Variants in NKAIN3 observed in about 807,000 individuals in gnomAD.
NKAIN3 encodes the protein sodium/potassium-transporting ATPase subunit beta-1-interacting protein 3.
NKAIN3 carries 25 observed loss-of-function variants against 30.2 expected under a neutral mutation model. The ratio of observed to expected loss-of-function variants is 0.83; its 90% CI spans 0.60 to 1.16. The LOEUF (loss-of-function observed/expected upper bound fraction) is 1.16. NKAIN3 is among the 50% of genes most tolerant of loss of function. NKAIN3 has a pLI of 0.00. For synonymous variants in NKAIN3, 91 were observed against 89.6 expected, an observed-to-expected ratio of 1.02 and a Z score of -0.09; for missense variants, 225 against 254.1, an observed-to-expected ratio of 0.89 and a Z score of 0.78.
At chr8:62,463,596 T>C (rs967092236) in intron 1 of NKAIN3, among the ~76,000 whole-genome samples, 12 of 152,196 alleles carry the variant, frequency 7.9e-5, no homozygotes, top group Non-Finnish European at 1.6e-4. Context: ...TAAAGCTGAA[T>C]CTTTGTCCCT....
chr8:62,712,486 T>C (rs916625339), intron 3 of NKAIN3, among the ~76,000 whole-genome samples: 1 of 152,070 alleles, frequency 6.6e-6, no homozygotes, highest in Non-Finnish European at 1.5e-5. Context: ...TGGCTGCCTC[T>C]GCTGAGTCAT....
intron 1 of NKAIN3, among the ~76,000 whole-genome samples, chr8:62,428,073 G>A (rs576523350): frequency 6.6e-6 from 1 of 151,644 alleles, no homozygotes; most frequent in Non-Finnish European, 1.5e-5. Context: ...TAGCTTCTAC[G>A]TGTGCATGAG....
chr8:62,741,884 G>A (rs1029867267), intron 3 of NKAIN3, among the ~76,000 whole-genome samples: 3 of 152,078 alleles, frequency 2.0e-5, no homozygotes, highest in South Asian at 2.1e-4. Context: ...TTAACATGCT[G>A]TCTTGTCTCT....
intron 4 of NKAIN3, among the ~76,000 whole-genome samples, chr8:62,914,903 G>A (rs954801807): frequency 1.3e-5 from 2 of 151,596 alleles, no homozygotes; most frequent in Non-Finnish European, 2.9e-5. Flanking sequence ...TGTCATTTAG[G>A]TTTTAAGCCC....
intron 3 of NKAIN3, among the ~76,000 whole-genome samples, chr8:62,665,657 G>T (rs906169343): frequency 2.6e-5 from 4 of 152,270 alleles, no homozygotes; most frequent in South Asian, 4.1e-4. Context: ...GAAGTTCATA[G>T]ATCATTCTTC....
At chr8:62,344,736 G>C (rs1815873776) in intron 1 of NKAIN3, 8 of 291,030 alleles carry the variant, frequency 2.7e-5, no homozygotes, top group South Asian at 2.7e-4. Context: ...ACTGCTGTCA[G>C]TACTCCAGTT....
chr8:62,564,763 A>G (rs973805909), intron 1 of NKAIN3, among the ~76,000 whole-genome samples: 2 of 152,188 alleles, frequency 1.3e-5, no homozygotes, highest in Non-Finnish European at 2.9e-5. Context: ...GTGGTAGAAG[A>G]TGTAAAATGT....
At chr8:62,586,625 G>A (rs531640933) in intron 2 of NKAIN3, among the ~76,000 whole-genome samples, 24 of 152,058 alleles carry the variant, frequency 1.6e-4, no homozygotes, top group South Asian at 1.2e-3. Context: ...GGTCTTTCTC[G>A]TAATTAGAAA....
At chr8:62,943,751 TATATG>T (rs1167998722) in intron 5 of NKAIN3, among the ~76,000 whole-genome samples, 1 of 148,016 alleles carries the variant, frequency 6.8e-6, no homozygotes, top group Non-Finnish European at 1.5e-5. Flanking sequence ...TATTTATATT[TATATG>T]ATATATTATA....
intron 1 of NKAIN3, among the ~76,000 whole-genome samples, chr8:62,395,033 G>A (rs1415980930): frequency 6.8e-6 from 1 of 146,454 alleles, no homozygotes; most frequent in Non-Finnish European, 1.5e-5. Context: ...AGGAGGCCGG[G>A]CAGAGGCGCT....
chr8:62,317,375 C>A (rs1029009051), intron 1 of NKAIN3, among the ~76,000 whole-genome samples: 1 of 152,106 alleles, frequency 6.6e-6, no homozygotes, highest in Non-Finnish European at 1.5e-5. Flanking sequence ...ATGGGTATTG[C>A]CTAGGTTTTC....
chr8:62,920,465 C>G (rs1399043493), intron 5 of NKAIN3, among the ~76,000 whole-genome samples: 3 of 152,140 alleles, frequency 2.0e-5, no homozygotes, highest in Non-Finnish European at 4.4e-5. Flanking sequence ...CTGGGAAATG[C>G]AAAATGGCAT....
intron 3 of NKAIN3, among the ~76,000 whole-genome samples, chr8:62,727,699 T>G (rs1815303876): frequency 6.6e-6 from 1 of 152,092 alleles, no homozygotes; most frequent in South Asian, 2.1e-4. Flanking sequence ...ATCCAAGAAA[T>G]AAATAATGGA....
intron 5 of NKAIN3, among the ~76,000 whole-genome samples, chr8:62,951,569 C>T (rs1823285520): frequency 6.6e-6 from 1 of 152,006 alleles, no homozygotes; most frequent in South Asian, 2.1e-4. Flanking sequence ...AACTATCCTT[C>T]CACTTCAGCT....
At chr8:62,840,938 T>G (rs1009513221) in intron 4 of NKAIN3, among the ~76,000 whole-genome samples, 1 of 152,112 alleles carries the variant, frequency 6.6e-6, no homozygotes, top group African/African-American at 2.4e-5. Context: ...TGCACACTTT[T>G]GCATTTTCCC....
intron 1 of NKAIN3, among the ~76,000 whole-genome samples, chr8:62,503,266 G>T (rs541661417): frequency 6.6e-6 from 1 of 152,164 alleles, no homozygotes; most frequent in Non-Finnish European, 1.5e-5. Flanking sequence ...CACCTGAGCC[G>T]CAAAACCAGC....
At chr8:62,270,756 CTG>C (rs1812753552) in intron 1 of NKAIN3, among the ~76,000 whole-genome samples, 1 of 152,150 alleles carries the variant, frequency 6.6e-6, no homozygotes, top group African/African-American at 2.4e-5. Flanking sequence ...GCATTTCACT[CTG>C]TGATTCTTTG....
chr8:62,834,867 G>A (rs1317527602), intron 4 of NKAIN3, among the ~76,000 whole-genome samples: 1 of 151,936 alleles, frequency 6.6e-6, no homozygotes, highest in Non-Finnish European at 1.5e-5. Flanking sequence ...GGCTTTAATA[G>A]CCAAGGCAAT....
At chr8:62,790,733 T>C (rs563489116) in intron 4 of NKAIN3, among the ~76,000 whole-genome samples, 2 of 152,224 alleles carry the variant, frequency 1.3e-5, no homozygotes, top group South Asian at 4.1e-4. Context: ...TTGCCCTCAC[T>C]GCACTTAAAA....
Sources: gnomAD v4.1 joint callset for allele counts (sites outside exome capture counted in the v4.1 genomes callset) on GRCh38, gnomAD v4.1.1 for gene constraint, MANE v1.5 for transcripts, NCBI Gene and HGNC (gene_info 2026-07-23, HGNC 2026-07-21) for gene names.